The following PIEZO2 variants were observed in gnomAD, a reference collection of about 807,000 sequenced individuals.
PIEZO2 encodes the protein piezo-type mechanosensitive ion channel component 2.
In PIEZO2, 172 loss-of-function variants were observed where a neutral mutation model predicts 337.3. The observed-to-expected ratio is 0.51, with a 90% CI of 0.45 to 0.58. PIEZO2 has a LOEUF of 0.58. PIEZO2 is among the 20% of genes least tolerant of loss of function. The probability of loss-of-function intolerance (pLI) is 0.00; values close to 1 mark genes in which losing one functional copy is unlikely to be tolerated. For missense variants in PIEZO2, 3,028 were observed against 3,391.3 expected (o/e 0.89, Z 2.66); for synonymous variants, 1,251 against 1,228.5 (o/e 1.02, Z -0.38).
intron 2 of PIEZO2, among the ~76,000 whole-genome samples, chr18:10,996,608 T>A (rs981057493): frequency 2.0e-4 from 30 of 152,210 alleles, no homozygotes; most frequent in African/African-American, 7.0e-4. Flanking sequence ...GTCTCACTTT[T>A]TTCACTTGGT....
Position 10,704,539 on chromosome 18 carries a change from A to C in PIEZO2, c.6113T>G (p.Val2038Gly). The C allele has an allele frequency of 6.5e-7, 1 of 1,537,266 alleles. No homozygotes were observed. Among genetic ancestry groups the C allele is most frequent in the Non-Finnish European group, 8.7e-7 (1 of 1,146,918 alleles). Residue 2038 changes from valine (V) to glycine (G), a missense_variant, in exon 42 of 56, where the codon GTG becomes GGG. This residue lies in a region of PIEZO2 where 1,925 missense variants were observed against 2,051.9 expected (regional missense o/e 0.94). Coordinates refer to ENST00000674853, the MANE Select transcript of PIEZO2 (RefSeq NM_001378183.1). ...YNTLVARSEM[V>G]CYFVIILNHM... ...GTTGAGGATGATCACGAAGTAGCAC[A>C]CCATCTCCGAGCGGGCCACCAGGGT...
rs140319390 is a variant in PIEZO2 at position 10,942,893 on chromosome 18, C to T, written c.287-31665G>A. The stretch of plus-strand genomic sequence containing the variant: ...TGCAGCCTAGGGAATTGGTGCCCTG[C>T]GTCCCAGTCACTCCAGCCATGGCTG... On this transcript the variant is annotated intron_variant, in intron 3 of 55. Transcript: ENST00000674853. The surrounding 1 kb of genome is among the most constrained non-coding windows in gnomAD (Gnocchi z 4.4). Among the ~76,000 whole-genome samples, 141 of 152,272 alleles carry T rather than the reference C, an allele frequency of 9.3e-4. 1 individual carries two copies. The highest frequency in any genetic ancestry group is 3.1e-3 in the African/African-American group (129 of 41,568).
Position 10,672,560 on chromosome 18 carries a change from G to C in PIEZO2, c.8345+130C>G. The C allele has an allele frequency of 1.0e-6, 1 of 976,220 alleles. No homozygotes were observed. The highest frequency in any genetic ancestry group is 1.5e-6 in the Non-Finnish European group (1 of 659,772). The allele number at this position is 976,220 out of a possible 1,614,324, so 60.5% of individuals were successfully genotyped here. ...ATTTTTTGAAATAAAATGCACACAA[G>C]GATGTGTGCATTTTAATACTGCAGC... On this transcript the variant is annotated intron_variant, in intron 55 of 55. Coordinates refer to ENST00000674853, the MANE Select transcript of PIEZO2 (RefSeq NM_001378183.1). The surrounding 1 kb of genome is among the most constrained non-coding windows in gnomAD (Gnocchi z 4.7).
At chr18:11,100,416 T>C (rs2039377404) in intron 1 of PIEZO2, among the ~76,000 whole-genome samples, 1 of 152,172 alleles carries the variant, frequency 6.6e-6, no homozygotes, top group Admixed American at 6.5e-5. Context: ...GACACTAAAG[T>C]GATGATGGAG....
intron 2 of PIEZO2, among the ~76,000 whole-genome samples, chr18:11,012,200 T>C (rs1217185213): frequency 1.3e-5 from 2 of 152,248 alleles, no homozygotes; most frequent in African/African-American, 2.4e-5. Context: ...AAAATCATTT[T>C]AGCATCCTCT....
At chr18:11,066,019 G>T in intron 2 of PIEZO2, 108 bp downstream of exon 2, 1 of 841,708 alleles carries the variant, frequency 1.2e-6, no homozygotes, top group Non-Finnish European at 1.8e-6. Context: ...TATTAGCCCT[G>T]CTGCATAGAT....
chr18:11,147,799 G>A (rs1329598865), intron 1 of PIEZO2, among the ~76,000 whole-genome samples: 1 of 152,248 alleles, frequency 6.6e-6, no homozygotes, highest in Non-Finnish European at 1.5e-5. Flanking sequence ...TTGTCTGGGC[G>A]TCGAGGAGGC....
chr18:10,798,919 C>T (rs10163617), intron 11 of PIEZO2, among the ~76,000 whole-genome samples: 3,803 of 151,142 alleles, frequency 0.025, 156 homozygotes, highest in African/African-American at 0.088. Context: ...AAACAGGGAA[C>T]GAAACAGTAG....
chr18:10,796,862 T>A (rs2144230912), intron 12 of PIEZO2, among the ~76,000 whole-genome samples: 1 of 152,300 alleles, frequency 6.6e-6, no homozygotes, highest in Admixed American at 6.5e-5. Flanking sequence ...ATACATACCA[T>A]CAGATATTGT....
At chr18:11,017,828 A>T (rs184625856) in intron 2 of PIEZO2, among the ~76,000 whole-genome samples, 1 of 152,296 alleles carries the variant, frequency 6.6e-6, no homozygotes, top group Admixed American at 6.5e-5. Context: ...TGCTCTAACA[A>T]TGTACTACAA....
In PIEZO2 at chr18:11,096,184, G is replaced by A. The variant is rs986088803; in HGVS notation, c.65-29962C>T. Among the ~76,000 whole-genome samples, 1 of 152,220 alleles carries A rather than the reference G, an allele frequency of 6.6e-6. No homozygotes were observed. Among genetic ancestry groups the A allele is most frequent in the Non-Finnish European group, 1.5e-5 (1 of 68,036 alleles). On this transcript the variant is annotated intron_variant, in intron 1 of 55. Transcript: ENST00000674853. This position sits in a 1 kb window ranked among gnomAD's most constrained non-coding sequence, Gnocchi z 4.6. The stretch of plus-strand genomic sequence containing the variant: ...GAGACACCGCCAGCCTGGCTGTGGG[G>A]TGTGGCCACCTAGAGCCCTGGGGTG...
At chr18:11,007,680 G>A (rs1029538602) in intron 2 of PIEZO2, among the ~76,000 whole-genome samples, 4 of 152,114 alleles carry the variant, frequency 2.6e-5, no homozygotes, top group African/African-American at 7.2e-5. Context: ...TAAAATCATC[G>A]AAAACAATGG....
In PIEZO2 at chr18:10,834,249, T is replaced by A. The variant is rs564563236; in HGVS notation, c.917+21104A>T. ...TGCTGTCAAATACTTAGAGTCAGAT[T>A]TGAATTCAAACTCTGGCTTTGCCAT... On this transcript the variant is annotated intron_variant, in intron 7 of 55. Transcript: ENST00000674853. The surrounding 1 kb of genome is among the most constrained non-coding windows in gnomAD (Gnocchi z 4.5). Among the ~76,000 whole-genome samples the A allele has an allele frequency of 1.3e-5, 2 of 152,308 alleles. No individual in the cohort carries two copies. The highest frequency in any genetic ancestry group is 2.1e-4 in the South Asian group (1 of 4,822).
At position 10,952,971 on chromosome 18, in the gene PIEZO2, A is replaced by C. The variant is rs2033366753; in HGVS notation, c.286+26564T>G. ...TATATAGTAGTCATCTCCGGTTTTT[A>C]ACTTGCACTTACCTAATGACTGTGA... On this transcript the variant is annotated intron_variant, in intron 3 of 55. Transcript: ENST00000674853. The surrounding 1 kb of genome is among the most constrained non-coding windows in gnomAD (Gnocchi z 4.1). Among the ~76,000 whole-genome samples, 1 of 149,214 alleles carries C rather than the reference A, an allele frequency of 6.7e-6. No individual in the cohort carries two copies. Among genetic ancestry groups the C allele is most frequent in the South Asian group, 2.1e-4 (1 of 4,740 alleles).
At chr18:10,710,841 G>A (rs1234136249) in intron 39 of PIEZO2, among the ~76,000 whole-genome samples, 2 of 152,166 alleles carry the variant, frequency 1.3e-5, no homozygotes, top group African/African-American at 4.8e-5. Context: ...CTACAGTGTA[G>A]ACAAATGATG....
At chr18:11,123,608 A>G (rs534345822) in intron 1 of PIEZO2, among the ~76,000 whole-genome samples, 4 of 152,264 alleles carry the variant, frequency 2.6e-5, no homozygotes, top group Non-Finnish European at 4.4e-5. Flanking sequence ...GGAGATTGAG[A>G]CCATCCTGGC....
chr18:10,770,444 C>A, intron 20 of PIEZO2, 136 bp from the exon 21 acceptor site: 1 of 809,146 alleles, frequency 1.2e-6, no homozygotes, highest in Non-Finnish European at 1.9e-6. Flanking sequence ...AAACCAAAAT[C>A]TGGAATAAGG....
chr18:11,064,185 T>C (rs895487007), intron 2 of PIEZO2, among the ~76,000 whole-genome samples: 1 of 152,200 alleles, frequency 6.6e-6, no homozygotes, highest in Non-Finnish European at 1.5e-5. Context: ...GAAACGCATG[T>C]GTTCTGCCTA....
intron 36 of PIEZO2, among the ~76,000 whole-genome samples, chr18:10,731,081 C>A (rs1389371180): frequency 6.7e-6 from 1 of 148,260 alleles, no homozygotes; most frequent in African/African-American, 2.5e-5. Flanking sequence ...TGTAGTATTT[C>A]TTTTTTTTTA....
Sources: gnomAD v4.1 joint callset for allele counts (sites outside exome capture counted in the v4.1 genomes callset) on GRCh38, gnomAD v4.1.1 for gene constraint, gnomAD v4.1.1 regional missense constraint, Gnocchi (gnomAD v3.1) non-coding constraint, MANE v1.5 for transcripts, NCBI Gene and HGNC (gene_info 2026-07-23, HGNC 2026-07-21) for gene names.